SCFD2: variants seen among roughly 807,000 people sequenced by gnomAD.
SCFD2 encodes sec1 family domain containing 2, also known as sec1 family domain-containing protein 2.
Under a neutral mutation model 58.9 loss-of-function variants are expected in SCFD2, and 54 were observed. The observed-to-expected ratio is 0.92, with a 90% CI of 0.74 to 1.15. The LOEUF (loss-of-function observed/expected upper bound fraction) is 1.15, where lower values mean the gene tolerates loss of function less well. SCFD2 is among the 50% of genes most tolerant of loss of function. The pLI is 0.00. For missense variants in SCFD2, 805 were observed against 836.6 expected (o/e 0.96, Z 0.47); for synonymous variants, 321 against 335.9 (o/e 0.96, Z 0.49).
intron 4 of SCFD2, among the ~76,000 whole-genome samples, chr4:53,226,707 A>C (rs1346874759): frequency 6.6e-6 from 1 of 152,126 alleles, no homozygotes; most frequent in East Asian, 1.9e-4. Flanking sequence ...GAATTATTTA[A>C]ATTAGGGTGA....
intron 2 of SCFD2, among the ~76,000 whole-genome samples, chr4:53,319,090 T>C (rs1488955726): frequency 6.6e-6 from 1 of 152,228 alleles, no homozygotes; most frequent in Non-Finnish European, 1.5e-5. Context: ...GAACGTCAAT[T>C]GTTTTTCACT....
intron 5 of SCFD2, among the ~76,000 whole-genome samples, chr4:52,981,427 C>G (rs554959510): frequency 2.6e-5 from 4 of 152,282 alleles, no homozygotes; most frequent in African/African-American, 9.6e-5. Flanking sequence ...AGTTTCAAAG[C>G]ATTTTATAGT....
chr4:53,012,202 A>G (rs562350825), intron 5 of SCFD2, among the ~76,000 whole-genome samples: 6 of 152,236 alleles, frequency 3.9e-5, no homozygotes, highest in African/African-American at 1.4e-4. Context: ...GCCGTGTTAT[A>G]ATGACTCACC....
At chr4:53,231,713 C>T (rs1196664188) in intron 4 of SCFD2, among the ~76,000 whole-genome samples, 1 of 152,044 alleles carries the variant, frequency 6.6e-6, no homozygotes, top group Non-Finnish European at 1.5e-5. Flanking sequence ...AGGCAGCTTT[C>T]CTCTAAAATG....
At chr4:52,970,214 C>T (rs533975376) in intron 5 of SCFD2, among the ~76,000 whole-genome samples, 4 of 152,258 alleles carry the variant, frequency 2.6e-5, no homozygotes, top group Admixed American at 6.5e-5. Context: ...CAAAGCAGGG[C>T]GAGGCATCGC....
chr4:53,300,773 C>T (rs936641813), intron 3 of SCFD2, among the ~76,000 whole-genome samples: 12 of 152,178 alleles, frequency 7.9e-5, no homozygotes, highest in Non-Finnish European at 1.6e-4. Flanking sequence ...TGCAATCAAA[C>T]TAGAACTCAG....
intron 3 of SCFD2, among the ~76,000 whole-genome samples, chr4:53,294,718 C>T (rs2149089975): frequency 6.6e-6 from 1 of 152,260 alleles, no homozygotes; most frequent in East Asian, 1.9e-4. Flanking sequence ...TTTGACCATG[C>T]CTATGTCCTG....
At chr4:53,182,372 T>C (rs1560374035) in intron 4 of SCFD2, among the ~76,000 whole-genome samples, 1 of 152,186 alleles carries the variant, frequency 6.6e-6, no homozygotes. Flanking sequence ...ATCTGATCTT[T>C]GACAAACCTG....
intron 4 of SCFD2, among the ~76,000 whole-genome samples, chr4:53,203,443 A>T (rs1427935069): frequency 6.6e-6 from 1 of 152,112 alleles, no homozygotes; most frequent in Non-Finnish European, 1.5e-5. Context: ...TCGATCAAAG[A>T]AAGAAAGATC....
At chr4:53,155,053 G>A (rs895024383) in intron 4 of SCFD2, among the ~76,000 whole-genome samples, 8 of 152,180 alleles carry the variant, frequency 5.3e-5, no homozygotes, top group East Asian at 1.9e-4. Context: ...GAACAAATCC[G>A]TTGTTGTGTT....
At chr4:53,021,994 G>A (rs1021143466) in intron 5 of SCFD2, among the ~76,000 whole-genome samples, 5 of 152,172 alleles carry the variant, frequency 3.3e-5, no homozygotes, top group African/African-American at 1.2e-4. Flanking sequence ...GAAAAATGAG[G>A]AGGGGGTCAC....
At chr4:53,288,987 C>T (rs553647874) in intron 3 of SCFD2, among the ~76,000 whole-genome samples, 2 of 152,276 alleles carry the variant, frequency 1.3e-5, no homozygotes. Context: ...CAAATTCTGA[C>T]ATCAAAAATA....
At chr4:53,294,948 C>T (rs1731972953) in intron 3 of SCFD2, among the ~76,000 whole-genome samples, 1 of 151,966 alleles carries the variant, frequency 6.6e-6, no homozygotes, top group Non-Finnish European at 1.5e-5. Context: ...CAGATGGTTG[C>T]AGATGTGTGG....
At chr4:53,035,909 A>G (rs1412863056) in intron 5 of SCFD2, among the ~76,000 whole-genome samples, 7 of 152,152 alleles carry the variant, frequency 4.6e-5, no homozygotes, top group African/African-American at 1.7e-4. Flanking sequence ...ATTGTGGAAG[A>G]CAGTGTGGCG....
intron 5 of SCFD2, among the ~76,000 whole-genome samples, chr4:53,083,301 G>T (rs938671099): frequency 1.3e-5 from 2 of 152,096 alleles, no homozygotes; most frequent in African/African-American, 4.8e-5. Flanking sequence ...AACATGGATG[G>T]TAAGGGCCAT....
At chr4:52,925,865 C>A (rs2109491123) in intron 5 of SCFD2, among the ~76,000 whole-genome samples, 1 of 152,206 alleles carries the variant, frequency 6.6e-6, no homozygotes, top group South Asian at 2.1e-4. Flanking sequence ...ATGACTCATG[C>A]CTCTGTAATT....
chr4:53,014,343 A>C (rs778100317), intron 5 of SCFD2, among the ~76,000 whole-genome samples: 32 of 152,180 alleles, frequency 2.1e-4, no homozygotes, highest in Non-Finnish European at 4.3e-4. Flanking sequence ...TTAGAAAGGG[A>C]TTATAGTCAG....
chr4:53,230,167 G>A (rs1447611702), intron 4 of SCFD2, among the ~76,000 whole-genome samples: 1 of 152,174 alleles, frequency 6.6e-6, no homozygotes, highest in Non-Finnish European at 1.5e-5. Flanking sequence ...CTTTTACACT[G>A]TTGGTGGGAT....
At chr4:53,124,552 A>T (rs1174810901) in intron 5 of SCFD2, among the ~76,000 whole-genome samples, 1 of 152,224 alleles carries the variant, frequency 6.6e-6, no homozygotes, top group Non-Finnish European at 1.5e-5. Flanking sequence ...ATGATATATT[A>T]TTACAATATT....
Sources: gnomAD v4.1 joint callset for allele counts (sites outside exome capture counted in the v4.1 genomes callset) on GRCh38, gnomAD v4.1.1 for gene constraint, MANE v1.5 for transcripts, NCBI Gene and HGNC (gene_info 2026-07-23, HGNC 2026-07-21) for gene names.